The following PTPN4 variants were observed in gnomAD, a reference collection of about 807,000 sequenced individuals.
PTPN4 encodes the protein protein tyrosine phosphatase non-receptor type 4.
Under a neutral mutation model 135.5 loss-of-function variants are expected in PTPN4, and 49 were observed. That is an observed-to-expected ratio of 0.36 (90% CI 0.29 to 0.46). The LOEUF (loss-of-function observed/expected upper bound fraction) is 0.46. Ranked by LOEUF, PTPN4 falls within the 20% of genes least tolerant of loss-of-function variation. PTPN4 has a pLI of 1.00. For synonymous variants in PTPN4, 333 were observed against 369.9 expected, an observed-to-expected ratio of 0.90 and a Z score of 1.14; for missense variants, 860 against 1,101.0, an observed-to-expected ratio of 0.78 and a Z score of 3.10.
At chr2:119,906,718 A>G (rs1678495125) in intron 10 of PTPN4, among the ~76,000 whole-genome samples, 1 of 152,250 alleles carries the variant, frequency 6.6e-6, no homozygotes, top group South Asian at 2.1e-4. Context: ...CATACAGAAC[A>G]GGTCAAAGCT....
intron 2 of PTPN4, among the ~76,000 whole-genome samples, chr2:119,857,155 C>G (rs1677691885): frequency 6.7e-6 from 1 of 150,032 alleles, no homozygotes; most frequent in Non-Finnish European, 1.5e-5. Flanking sequence ...GTGATCTTGG[C>G]TCACTGCAAC....
chr2:119,791,122 A>G (rs1691136724), intron 1 of PTPN4: 1 of 146,138 alleles, frequency 6.8e-6, no homozygotes, highest in South Asian at 2.1e-4. Flanking sequence ...TAGCTATCTA[A>G]TTACTCTTTT....
At chr2:119,953,530 A>G (rs1025337851) in intron 19 of PTPN4, among the ~76,000 whole-genome samples, 4 of 152,154 alleles carry the variant, frequency 2.6e-5, no homozygotes, top group Admixed American at 1.3e-4. Flanking sequence ...GTTCATTTAG[A>G]CTTGATACTT....
chr2:119,845,036 C>T (rs1033244101), intron 2 of PTPN4, among the ~76,000 whole-genome samples: 2 of 149,278 alleles, frequency 1.3e-5, no homozygotes, highest in African/African-American at 2.5e-5. Flanking sequence ...GGATCACTCG[C>T]GGTTAGGGGC....
chr2:119,835,116 C>G (rs1196004921), intron 2 of PTPN4, among the ~76,000 whole-genome samples: 1 of 152,156 alleles, frequency 6.6e-6, no homozygotes, highest in Non-Finnish European at 1.5e-5. Flanking sequence ...TTGTCACTTC[C>G]TTAAGCCACT....
At chr2:119,869,582 T>G (rs948277944) in intron 3 of PTPN4, among the ~76,000 whole-genome samples, 2 of 152,286 alleles carry the variant, frequency 1.3e-5, no homozygotes, top group African/African-American at 4.8e-5. Flanking sequence ...CCACCCCCAT[T>G]CCTAAACTCT....
chr2:119,881,595 A>C (rs543632852), intron 5 of PTPN4, among the ~76,000 whole-genome samples, 191 bp from the exon 6 acceptor site: 2 of 152,358 alleles, frequency 1.3e-5, no homozygotes, highest in South Asian at 4.1e-4. Flanking sequence ...TCATACATCA[A>C]AGAGTTTTAA....
At chr2:119,794,691 TCTC>T (rs1311855869) in intron 1 of PTPN4, among the ~76,000 whole-genome samples, 3 of 152,148 alleles carry the variant, frequency 2.0e-5, no homozygotes, top group African/African-American at 2.4e-5. Context: ...GCAGCATTTC[TCTC>T]CTCCTCTCTT....
chr2:119,840,205 A>T (rs1677359237), intron 2 of PTPN4, among the ~76,000 whole-genome samples: 1 of 152,118 alleles, frequency 6.6e-6, no homozygotes. Context: ...AGATCATCCC[A>T]TCACCTAGGT....
At position 119,960,843 on chromosome 2, in the gene PTPN4, A is replaced by G. The variant is rs763403760; in HGVS notation, c.2170A>G (p.Ile724Val). 232 of 1,613,486 alleles carry G rather than the reference A, an allele frequency of 1.4e-4. No individual in the cohort carries two copies. The highest frequency in any genetic ancestry group is 1.9e-4 in the Non-Finnish European group (223 of 1,179,890). ...TTCTTCCAGCATTATAAATCAGTAC[A>G]TTGCTTGTCAAGGGCCATTACCACA... The part of the protein sequence containing the change: ...IPSSSIINQY[I>V]ACQGPLPHTC... The change falls in exon 23 of 27, where the codon ATT becomes GTT. Residue 724 changes from isoleucine (I) to valine (V), a missense_variant. Ile to Val is a conservative substitution (Grantham distance 29, BLOSUM62 3). Coordinates refer to ENST00000263708, the MANE Select transcript of PTPN4 (RefSeq NM_002830.4).
chr2:119,830,470 C>CCT lies in PTPN4; in HGVS notation c.138+20492_138+20493dup, dbSNP rs372832527. 6.7e-3 allele frequency among the ~76,000 whole-genome samples: 1,013 copies of CCT among 151,150 alleles called. 5 individuals are homozygous for CCT. The highest frequency in any genetic ancestry group is 8.5e-3 in the Non-Finnish European group (574 of 67,720). ...ATGATACCTGGTGTAACACCTCTGC[C>CCT]CTCTCTCTCTCTCTATTTTTTGAGA... On this transcript the variant is annotated intron_variant, in intron 2 of 26. Coordinates refer to ENST00000263708, the MANE Select transcript of PTPN4 (RefSeq NM_002830.4).
intron 25 of PTPN4, among the ~76,000 whole-genome samples, chr2:119,967,446 CA>C (rs796172173): frequency 0.028 from 3,908 of 140,476 alleles, 159 homozygotes; most frequent in African/African-American, 0.093. Context: ...GATTCCGTCT[CA>C]AAAAAAAAAA....
At chr2:119,783,711 A>T (rs1041310617) in intron 1 of PTPN4, among the ~76,000 whole-genome samples, 1 of 152,198 alleles carries the variant, frequency 6.6e-6, no homozygotes, top group Non-Finnish European at 1.5e-5. Flanking sequence ...TTCTGAGGGG[A>T]TTAACAAAAG....
chr2:119,964,083 C>T (rs985456720), intron 24 of PTPN4, among the ~76,000 whole-genome samples: 2 of 152,266 alleles, frequency 1.3e-5, no homozygotes, highest in African/African-American at 4.8e-5. Flanking sequence ...ATACCTTTTA[C>T]TTTTACTCTT....
intron 3 of PTPN4, among the ~76,000 whole-genome samples, chr2:119,863,074 A>G (rs1217264981): frequency 6.6e-6 from 1 of 152,132 alleles, no homozygotes; most frequent in African/African-American, 2.4e-5. Context: ...TCCAAATTTC[A>G]TCAGAGACCC....
chr2:119,830,531 C>A (rs931080232), intron 2 of PTPN4, among the ~76,000 whole-genome samples: 8 of 152,274 alleles, frequency 5.3e-5, no homozygotes, highest in Admixed American at 2.0e-4. Flanking sequence ...TGCAGTGGCG[C>A]GGTCTTGGCT....
chr2:119,800,070 C>G (rs1691335057), intron 1 of PTPN4, among the ~76,000 whole-genome samples: 1 of 152,034 alleles, frequency 6.6e-6, no homozygotes, highest in Non-Finnish European at 1.5e-5. Context: ...AGGAAAAATG[C>G]GTAATGACTT....
chr2:119,873,014 G>A (rs1276110844), intron 3 of PTPN4, among the ~76,000 whole-genome samples: 1 of 152,100 alleles, frequency 6.6e-6, no homozygotes, highest in African/African-American at 2.4e-5. Context: ...ATTGAAACAA[G>A]GTCTTGCTCT....
chr2:119,923,277 G>A (rs1156804573), intron 12 of PTPN4, among the ~76,000 whole-genome samples: 1 of 152,184 alleles, frequency 6.6e-6, no homozygotes. Flanking sequence ...AGGAGGCTCA[G>A]GGAGGAGGAT....
Sources: allele counts gnomAD v4.1 joint callset (sites outside exome capture counted in the v4.1 genomes callset), GRCh38; gene constraint gnomAD v4.1.1; transcripts MANE v1.5; gene names NCBI Gene and HGNC (gene_info 2026-07-23, HGNC 2026-07-21).